CDK14: variants seen among roughly 807,000 people sequenced by gnomAD.
CDK14 encodes the protein cyclin dependent kinase 14.
CDK14 carries 34 observed loss-of-function variants against 60.7 expected under a neutral mutation model. The observed-to-expected ratio is 0.56, with a 90% confidence interval of 0.43 to 0.75. CDK14 has a LOEUF of 0.75. Ranked by LOEUF, CDK14 falls within the 30% of genes least tolerant of loss-of-function variation. The pLI is 0.00. For missense variants in CDK14, 482 were observed against 564.1 expected (o/e 0.85, Z 1.47); for synonymous variants, 197 against 203.7 (o/e 0.97, Z 0.28).
chr7:91,148,523 C>A (rs1295946612), intron 14 of CDK14, among the ~76,000 whole-genome samples: 1 of 152,138 alleles, frequency 6.6e-6, no homozygotes, highest in Non-Finnish European at 1.5e-5. Context: ...AGCATTGGTG[C>A]CTTAGGGTAA....
intron 14 of CDK14, among the ~76,000 whole-genome samples, chr7:91,147,438 G>A (rs551198539): frequency 1.3e-5 from 2 of 151,650 alleles, no homozygotes; most frequent in African/African-American, 2.4e-5. Flanking sequence ...TTTCTTTCCC[G>A]GAGAAAACAT....
chr7:91,181,305 C>G (rs1801993398), intron 14 of CDK14, among the ~76,000 whole-genome samples: 1 of 152,120 alleles, frequency 6.6e-6, no homozygotes, highest in Admixed American at 6.6e-5. Context: ...TTCCCACAGT[C>G]AGTTTTGCTG....
Position 90,709,376 on chromosome 7 carries a change from A to T in CDK14, c.124-17191A>T, listed in dbSNP as rs192082856. 2.0e-5 allele frequency: 27 copies of T among 1,368,026 alleles called. No homozygotes were observed. In the East Asian group the frequency reaches 7.4e-4, roughly 38 times the overall value. 84.7% of individuals were successfully genotyped at this position (1,368,026 alleles called of 1,614,324 possible). A position where few individuals can be genotyped will look rare whatever the true frequency, so the allele number is the denominator to read the frequency against. ...TGGCTTTCTCCAGTGCTCTTAAAAA[A>T]TTGAATTGAGCATGATGAGGTGCAT... On this transcript the variant is annotated intron_variant, in intron 2 of 14. Transcript: ENST00000380050.
chr7:91,016,647 G>A (rs1409893561), intron 10 of CDK14, among the ~76,000 whole-genome samples: 1 of 152,174 alleles, frequency 6.6e-6, no homozygotes, highest in Non-Finnish European at 1.5e-5. Flanking sequence ...ATTGTAGGGT[G>A]CGTTTGAAAT....
At chr7:91,143,365 C>T (rs1331670819) in intron 14 of CDK14, among the ~76,000 whole-genome samples, 1 of 152,192 alleles carries the variant, frequency 6.6e-6, no homozygotes, top group Non-Finnish European at 1.5e-5. Flanking sequence ...AACCTTTTCT[C>T]TTTGCCTCTT....
intron 9 of CDK14, among the ~76,000 whole-genome samples, chr7:90,982,346 A>G (rs2115628332): frequency 6.6e-6 from 1 of 152,280 alleles, no homozygotes; most frequent in South Asian, 2.1e-4. Flanking sequence ...TAGTGAAGCA[A>G]TTTGAGCCAA....
At chr7:90,932,709 G>A (rs1793631256) in intron 8 of CDK14, among the ~76,000 whole-genome samples, 1 of 152,078 alleles carries the variant, frequency 6.6e-6, no homozygotes, top group Non-Finnish European at 1.5e-5. Context: ...TTTCTGTGTG[G>A]TAAGAGTCTG....
intron 14 of CDK14, among the ~76,000 whole-genome samples, chr7:91,143,193 G>A (rs143299848): frequency 1.3e-3 from 203 of 152,262 alleles, no homozygotes; most frequent in African/African-American, 4.6e-3. Context: ...CCACAGAACA[G>A]CTGAAAAGTC....
At chr7:91,055,481 A>G (rs930096134) in intron 11 of CDK14, among the ~76,000 whole-genome samples, 9 of 152,214 alleles carry the variant, frequency 5.9e-5, no homozygotes, top group Admixed American at 4.6e-4. Flanking sequence ...CCAGAAAAAA[A>G]AGTAGTAAGA....
intron 10 of CDK14, among the ~76,000 whole-genome samples, chr7:90,994,115 T>C (rs1261754784): frequency 6.6e-6 from 1 of 152,220 alleles, no homozygotes; most frequent in South Asian, 2.1e-4. Context: ...TAGTCATTTT[T>C]AAATTTTCTT....
chr7:90,723,854 AT>A (rs1168564109), intron 2 of CDK14, among the ~76,000 whole-genome samples: 1 of 152,114 alleles, frequency 6.6e-6, no homozygotes, highest in Non-Finnish European at 1.5e-5. Flanking sequence ...TGTACCAGTA[AT>A]TTTTTGCATC....
chr7:90,623,006 A>C (rs1006730428), intron 2 of CDK14, among the ~76,000 whole-genome samples: 4 of 149,152 alleles, frequency 2.7e-5, no homozygotes, highest in Non-Finnish European at 4.4e-5. Context: ...ACAATTGTGT[A>C]ATGAATATTC....
In CDK14 at chr7:91,054,204, A is replaced by T. The variant is rs1380712789; in HGVS notation, c.1105+8244A>T. On this transcript the variant is annotated intron_variant, in intron 11 of 14. Transcript: ENST00000380050. The stretch of plus-strand genomic sequence containing the variant: ...GAATTTTAAATTATTTTTATGATTG[A>T]TAGCAACTATAATGATTATGGGTTA... Among the ~76,000 whole-genome samples, 5 of 146,184 alleles carry T rather than the reference A, an allele frequency of 3.4e-5. No individual in the cohort carries two copies. In the East Asian group the frequency reaches 1.0e-3, roughly 30 times the overall value.
intron 2 of CDK14, among the ~76,000 whole-genome samples, chr7:90,691,459 C>T (rs1199369945): frequency 1.3e-5 from 2 of 151,970 alleles, no homozygotes; most frequent in Non-Finnish European, 2.9e-5. Flanking sequence ...GTGTTTCAGG[C>T]AGAGAGAATG....
chr7:90,826,465 C>CTGCCCAA, intron 5 of CDK14, among the ~76,000 whole-genome samples: 1 of 152,012 alleles, frequency 6.6e-6, no homozygotes, highest in Non-Finnish European at 1.5e-5. Context: ...GATCTGCCCA[C>CTGCCCAA]CTTGGGCTCC....
intron 10 of CDK14, among the ~76,000 whole-genome samples, chr7:91,027,036 G>C (rs1215714758): frequency 6.6e-6 from 1 of 152,152 alleles, no homozygotes; most frequent in Non-Finnish European, 1.5e-5. Flanking sequence ...AACAGTATCA[G>C]TGTTCAAAAA....
chr7:91,154,113 C>T (rs1211340858), intron 14 of CDK14, among the ~76,000 whole-genome samples: 2 of 151,642 alleles, frequency 1.3e-5, no homozygotes, highest in Non-Finnish European at 2.9e-5. Flanking sequence ...AACATTTTTC[C>T]ATCTTAACAT....
At chr7:91,066,945 G>A (rs1298780767) in intron 11 of CDK14, among the ~76,000 whole-genome samples, 1 of 152,172 alleles carries the variant, frequency 6.6e-6, no homozygotes, top group African/African-American at 2.4e-5. Flanking sequence ...GCACTTCTCA[G>A]TTATGCTGTG....
In CDK14 at chr7:90,649,314, TTCC is replaced by T. The variant is rs1800552350; in HGVS notation, c.123+45067_123+45069del. Among the ~76,000 whole-genome samples the T allele has an allele frequency of 3.6e-3, 113 of 31,560 alleles. 11 individuals carry two copies. The highest frequency in any genetic ancestry group is 6.5e-3 in the East Asian group (2 of 306). 20.7% of individuals were successfully genotyped at this position (31,560 alleles called of 152,430 possible). On this transcript the variant is annotated intron_variant, in intron 2 of 14. Transcript: ENST00000380050. Reference sequence around the variant, plus strand: ...TTTCTTTCTTTCTTTCTTTCTTTCCTTCCTTCCTTCCTTCCTTCCTTCCTTCCT... The same window carrying T: ...TTTCTTTCTTTCTTTCTTTCTTTCCTTTCCTTCCTTCCTTCCTTCCTTCCT...
Sources: gnomAD v4.1 joint callset for allele counts (sites outside exome capture counted in the v4.1 genomes callset) on GRCh38, gnomAD v4.1.1 for gene constraint, MANE v1.5 for transcripts, NCBI Gene and HGNC (gene_info 2026-07-23, HGNC 2026-07-21) for gene names.